The following KCNB2 variants were observed in gnomAD, a reference collection of about 807,000 sequenced individuals.
The protein encoded by KCNB2 is potassium voltage-gated channel subfamily B member 2.
Under a neutral mutation model 61.5 loss-of-function variants are expected in KCNB2, and 15 were observed. The observed-to-expected ratio is 0.24, with a 90% CI of 0.16 to 0.38. The LOEUF is 0.38. Among genes scored for constraint, KCNB2 ranks in the 10% least tolerant of loss-of-function variants. The probability of loss-of-function intolerance (pLI) is 1.00; values close to 1 mark genes in which losing one functional copy is unlikely to be tolerated. For synonymous variants in KCNB2, 457 were observed against 446.0 expected, an observed-to-expected ratio of 1.02 and a Z score of -0.31; for missense variants, 828 against 1,125.2, an observed-to-expected ratio of 0.74 and a Z score of 3.78.
intron 2 of KCNB2, among the ~76,000 whole-genome samples, chr8:72,792,201 G>T (rs1248822084): frequency 6.6e-6 from 1 of 152,164 alleles, no homozygotes; most frequent in African/African-American, 2.4e-5. Context: ...CTTGCTCCAG[G>T]ATGCCTTCTT....
chr8:72,818,825 TCAC>T (rs1431214143), intron 2 of KCNB2, among the ~76,000 whole-genome samples: 1 of 152,256 alleles, frequency 6.6e-6, no homozygotes, highest in Admixed American at 6.5e-5. Context: ...ATTTAATTAA[TCAC>T]CAAGTTTTTC....
At chr8:72,677,073 T>C (rs1806667275) in intron 2 of KCNB2, among the ~76,000 whole-genome samples, 1 of 148,000 alleles carries the variant, frequency 6.8e-6, no homozygotes, top group South Asian at 2.2e-4. Context: ...CAATATGACT[T>C]GCATGCCTAT....
At chr8:72,634,625 G>A (rs1003943432) in intron 2 of KCNB2, among the ~76,000 whole-genome samples, 4 of 152,080 alleles carry the variant, frequency 2.6e-5, no homozygotes, top group African/African-American at 7.2e-5. Context: ...CTTGGTATTA[G>A]GATTTAAGTA....
At chr8:72,762,141 C>G (rs1462429962) in intron 2 of KCNB2, among the ~76,000 whole-genome samples, 2 of 152,218 alleles carry the variant, frequency 1.3e-5, no homozygotes, top group East Asian at 1.9e-4. Flanking sequence ...AACAAACATG[C>G]AACCATGTCA....
chr8:72,727,653 A>G (rs1479374112), intron 2 of KCNB2, among the ~76,000 whole-genome samples: 1 of 152,212 alleles, frequency 6.6e-6, no homozygotes, highest in Non-Finnish European at 1.5e-5. Flanking sequence ...GTCACAAAGT[A>G]TGTGAAGGAA....
At position 72,938,156 on chromosome 8, in the gene KCNB2, G is replaced by A. The variant is rs1481119897; in HGVS notation, c.*65G>A. 1.8e-5 allele frequency: 24 copies of A among 1,319,870 alleles called. No individual in the cohort carries two copies. The highest frequency in any genetic ancestry group is 1.4e-4 in the South Asian group (10 of 70,364). 81.8% of individuals were successfully genotyped at this position (1,319,870 alleles called of 1,614,324 possible). ...AACAAAACTTGTTTCTTAAAAATGC[G>A]GTTAATAATGCCTGTGAACTAAAAA... On this transcript the variant is annotated 3_prime_UTR_variant, in exon 3 of 3. Coordinates refer to ENST00000523207, the MANE Select transcript of KCNB2 (RefSeq NM_004770.3).
intron 2 of KCNB2, among the ~76,000 whole-genome samples, chr8:72,715,628 A>G (rs531283171): frequency 6.6e-6 from 1 of 152,376 alleles, no homozygotes; most frequent in South Asian, 2.1e-4. Context: ...ACAAAGACAC[A>G]ACATACCAGA....
At chr8:72,574,947 G>A (rs1806772779) in intron 2 of KCNB2, among the ~76,000 whole-genome samples, 1 of 152,122 alleles carries the variant, frequency 6.6e-6, no homozygotes, top group African/African-American at 2.4e-5. Context: ...CTCTAGAAGG[G>A]TTTGAATAAT....
chr8:72,888,053 A>G (rs1425228880), intron 2 of KCNB2, among the ~76,000 whole-genome samples: 1 of 152,238 alleles, frequency 6.6e-6, no homozygotes, highest in Non-Finnish European at 1.5e-5. Flanking sequence ...TGTTTTGCAC[A>G]TAATCATCTC....
chr8:72,823,768 GT>G (rs1221582620), intron 2 of KCNB2, among the ~76,000 whole-genome samples: 1 of 152,192 alleles, frequency 6.6e-6, no homozygotes, highest in Non-Finnish European at 1.5e-5. Context: ...GCTCGAAGAG[GT>G]TAAGTAAATG....
At chr8:72,556,756 A>T (rs1300187126) in intron 1 of KCNB2, among the ~76,000 whole-genome samples, 1 of 152,164 alleles carries the variant, frequency 6.6e-6, no homozygotes, top group Non-Finnish European at 1.5e-5. Context: ...AGTTGATGCT[A>T]TGCCGAGTGT....
intron 2 of KCNB2, among the ~76,000 whole-genome samples, chr8:72,744,990 A>G (rs1456781999): frequency 6.6e-6 from 1 of 152,194 alleles, no homozygotes; most frequent in East Asian, 1.9e-4. Flanking sequence ...GCTGAGCTGC[A>G]TGGTCCTGGT....
intron 2 of KCNB2, among the ~76,000 whole-genome samples, chr8:72,717,618 A>G (rs1807468812): frequency 6.6e-6 from 1 of 152,146 alleles, no homozygotes; most frequent in African/African-American, 2.4e-5. Context: ...ATATGTAGAA[A>G]GCTGAAACTG....
intron 2 of KCNB2, chr8:72,618,675 C>G (rs893913606): frequency 6.3e-6 from 1 of 159,106 alleles, no homozygotes; most frequent in African/African-American, 2.4e-5. Flanking sequence ...CTGTAAAGTC[C>G]TATTCAATTT....
In KCNB2 at chr8:72,799,695, C is replaced by G. The variant is rs533734127; in HGVS notation, c.580-136240C>G. On this transcript the variant is annotated intron_variant, in intron 2 of 2. Transcript: ENST00000523207. ...AGAAGGACAAGTGACACAAAAGTAG[C>G]AAATACGTATTCAGTACCTGCAGGC... Among the ~76,000 whole-genome samples the G allele has an allele frequency of 5.9e-5, 9 of 152,230 alleles. No homozygotes were observed. In the East Asian group the frequency reaches 1.7e-3, roughly 29 times the overall value.
At position 72,792,565 on chromosome 8, in the gene KCNB2, T is replaced by G. The variant is rs566396551; in HGVS notation, c.580-143370T>G. 7.5e-4 allele frequency among the ~76,000 whole-genome samples: 114 copies of G among 152,324 alleles called. 1 individual carries two copies. Among genetic ancestry groups the G allele is most frequent in the Admixed American group, 2.9e-3 (44 of 15,302 alleles). On this transcript the variant is annotated intron_variant, in intron 2 of 2. Transcript: ENST00000523207. Reference sequence around the variant, plus strand: ...GCATTTAAACTGGTTGCATGGTACTTGGGCAGCCTAGGGAAAAAACTTTAA... The same window carrying G: ...GCATTTAAACTGGTTGCATGGTACTGGGGCAGCCTAGGGAAAAAACTTTAA...
intron 2 of KCNB2, among the ~76,000 whole-genome samples, chr8:72,931,297 A>G (rs1806778798): frequency 6.6e-6 from 1 of 152,136 alleles, no homozygotes; most frequent in African/African-American, 2.4e-5. Context: ...TTTTGGTTCC[A>G]TATGAACTTT....
intron 1 of KCNB2, among the ~76,000 whole-genome samples, chr8:72,563,464 G>T (rs535204390): frequency 1.7e-4 from 26 of 152,080 alleles, no homozygotes; most frequent in African/African-American, 6.3e-4. Context: ...AGCCTAGGAG[G>T]CCTCTGTATT....
At position 72,868,887 on chromosome 8, in the gene KCNB2, TCACCAC is replaced by T. The variant is rs148004379; in HGVS notation, c.580-67043_580-67038del. On this transcript the variant is annotated intron_variant, in intron 2 of 2. Transcript: ENST00000523207. ...ACCAGGACCTCTCCATATCCCAATA[TCACCAC>T]CACCCATCACAAAGCAAATGACCCT... Among the ~76,000 whole-genome samples the T allele has an allele frequency of 5.9e-3, 896 of 152,144 alleles. 10 individuals are homozygous for T. The highest frequency in any genetic ancestry group is 0.02 in the African/African-American group (843 of 41,502).
Sources: gnomAD v4.1 joint callset for allele counts (sites outside exome capture counted in the v4.1 genomes callset) on GRCh38, gnomAD v4.1.1 for gene constraint, MANE v1.5 for transcripts, NCBI Gene and HGNC (gene_info 2026-07-23, HGNC 2026-07-21) for gene names.